COLEC10: variants seen among roughly 807,000 people sequenced by gnomAD.
COLEC10 encodes the protein collectin-10.
Under a neutral mutation model 28.4 loss-of-function variants are expected in COLEC10, and 22 were observed. The ratio of observed to expected loss-of-function variants is 0.78; its 90% confidence interval spans 0.55 to 1.11. COLEC10 has a LOEUF of 1.11. Ranked by LOEUF, COLEC10 falls within the 50% of genes least tolerant of loss-of-function variation. COLEC10 has a pLI of 0.00. For missense variants in COLEC10, 361 were observed against 344.1 expected, an observed-to-expected ratio of 1.05 and a Z score of -0.39; for synonymous variants, 125 against 116.1, an observed-to-expected ratio of 1.08 and a Z score of -0.49.
At chr8:119,030,538 A>G (rs1191361427) in intron 2 of COLEC10, among the ~76,000 whole-genome samples, 1 of 152,008 alleles carries the variant, frequency 6.6e-6, no homozygotes, top group Admixed American at 6.6e-5. Context: ...CTTGCTCTGA[A>G]GTGTGAATCC....
upstream of COLEC10, among the ~76,000 whole-genome samples, chr8:118,990,544 T>A (rs1205703646): frequency 2.0e-5 from 3 of 152,158 alleles, no homozygotes; most frequent in Non-Finnish European, 4.4e-5. Context: ...AATTACAAAT[T>A]ATTTCTCTCC....
upstream of COLEC10, among the ~76,000 whole-genome samples, chr8:119,065,663 C>A (rs1324614860): frequency 6.6e-6 from 1 of 151,884 alleles, no homozygotes; most frequent in Non-Finnish European, 1.5e-5. Context: ...TGGAGACCAG[C>A]CTGGCCAACC....
the COLEC10 span, among the ~76,000 whole-genome samples, chr8:118,959,784 C>T: frequency 6.6e-6 from 1 of 152,316 alleles, no homozygotes; most frequent in African/African-American, 2.4e-5. Flanking sequence ...GTGTTCAGCC[C>T]CATGCCAGAC....
chr8:119,068,646 T>C (rs1372505396), intron 1 of COLEC10: 1 of 152,162 alleles, frequency 6.6e-6, no homozygotes, highest in Admixed American at 6.5e-5. Context: ...TTTTACCTAA[T>C]AGAAAACTTC....
intron 2 of COLEC10, among the ~76,000 whole-genome samples, chr8:119,047,117 TA>T (rs1814599774): frequency 6.6e-6 from 1 of 152,226 alleles, no homozygotes; most frequent in Non-Finnish European, 1.5e-5. Context: ...TTTTGGAATA[TA>T]AACCAACAGA....
chr8:119,063,764 G>A (rs773010972), upstream of COLEC10, among the ~76,000 whole-genome samples: 35 of 150,616 alleles, frequency 2.3e-4, no homozygotes, highest in Non-Finnish European at 5.9e-5. Context: ...GAGGAATAAC[G>A]AGGCAAATAT....
intron 2 of COLEC10, among the ~76,000 whole-genome samples, chr8:119,048,248 G>A (rs1814617477): frequency 6.6e-6 from 1 of 152,140 alleles, no homozygotes; most frequent in East Asian, 1.9e-4. Context: ...TGTGGATTTG[G>A]TTTTCTGTTC....
At position 119,105,907 on chromosome 8, in the gene COLEC10, G is replaced by T. The variant is rs1815929929; in HGVS notation, c.550G>T (p.Ala184Ser). 1 of 1,613,716 alleles carries T rather than the reference G, an allele frequency of 6.2e-7. No homozygotes were observed. Among genetic ancestry groups the T allele is most frequent in the Non-Finnish European group, 8.5e-7 (1 of 1,179,896 alleles). Residue 184 changes from alanine (A) to serine (S), a missense_variant, in exon 6 of 6, where the codon GCC becomes TCC. Ala to Ser is a moderately conservative substitution (Grantham distance 99). Around this residue, in one of 3 missense-constraint regions of COLEC10, gnomAD observed 335 missense variants for 308.5 expected, o/e 1.09. Transcript: ENST00000332843. ...THCRIRGGML[A>S]MPKDEAANTL... ...CTGCAGGATTCGGGGTGGAATGCTAGCCATGCCCAAGGATGAAGCTGCCAA... is the reference window on the plus strand; with the variant it reads ...CTGCAGGATTCGGGGTGGAATGCTATCCATGCCCAAGGATGAAGCTGCCAA...
the COLEC10 span, among the ~76,000 whole-genome samples, chr8:118,976,921 C>T: frequency 5.9e-3 from 896 of 151,376 alleles, 14 homozygotes; most frequent in African/African-American, 0.021. Context: ...CAAACAACCC[C>T]ATCAAAAAGT....
At chr8:119,033,711 A>G (rs1814335443) in intron 2 of COLEC10, among the ~76,000 whole-genome samples, 1 of 152,226 alleles carries the variant, frequency 6.6e-6, no homozygotes, top group Non-Finnish European at 1.5e-5. Context: ...TGCCAGTTAG[A>G]ATGGTGATCA....
At chr8:119,032,199 A>T (rs1411666139) in intron 2 of COLEC10, among the ~76,000 whole-genome samples, 3 of 152,216 alleles carry the variant, frequency 2.0e-5, no homozygotes, top group African/African-American at 7.2e-5. Context: ...GTGAGTCAAT[A>T]GTCACATCAC....
At chr8:119,080,325 G>T (rs1815344314) in intron 1 of COLEC10, among the ~76,000 whole-genome samples, 1 of 152,180 alleles carries the variant, frequency 6.6e-6, no homozygotes. Flanking sequence ...AAACAAGTAA[G>T]AAAATTGTGA....
chr8:118,974,661 A>G, the COLEC10 span, among the ~76,000 whole-genome samples: 8 of 152,048 alleles, frequency 5.3e-5, no homozygotes, highest in Non-Finnish European at 1.2e-4. Flanking sequence ...ATAAAGTGGC[A>G]TTTCTCCTTA....
chr8:118,994,369 G>A (rs1813556648), upstream of COLEC10, among the ~76,000 whole-genome samples: 1 of 152,142 alleles, frequency 6.6e-6, no homozygotes, highest in Non-Finnish European at 1.5e-5. Context: ...ACCTGAAAGA[G>A]CCAATTTACA....
intron 1 of COLEC10, among the ~76,000 whole-genome samples, chr8:119,075,995 G>T (rs181841277): frequency 6.8e-6 from 1 of 147,290 alleles, no homozygotes; most frequent in Non-Finnish European, 1.5e-5. Context: ...CCGCCTCCTG[G>T]GTTCATGCCA....
intron 1 of COLEC10, among the ~76,000 whole-genome samples, chr8:119,069,602 TCTC>T: frequency 1.4e-4 from 1 of 6,948 alleles, no homozygotes; most frequent in Non-Finnish European, 4.0e-4. Flanking sequence ...TGAGACCCCA[TCTC>T]AAAAAAAAAA....
chr8:119,043,178 A>G (rs899316893), intron 2 of COLEC10, among the ~76,000 whole-genome samples: 1 of 152,238 alleles, frequency 6.6e-6, no homozygotes, highest in Non-Finnish European at 1.5e-5. Context: ...TCTAGGATTT[A>G]TGATGAATTC....
At chr8:118,983,228 T>A in the COLEC10 span, among the ~76,000 whole-genome samples, 1 of 152,152 alleles carries the variant, frequency 6.6e-6, no homozygotes, top group Non-Finnish European at 1.5e-5. Context: ...TTCAATCCAC[T>A]CTTGTGTCTA....
intron 1 of COLEC10, among the ~76,000 whole-genome samples, chr8:118,999,763 T>C (rs1813656960): frequency 1.3e-5 from 2 of 152,150 alleles, no homozygotes; most frequent in Non-Finnish European, 2.9e-5. Flanking sequence ...TAGGACAAAA[T>C]ATTGACCATT....
Sources: allele counts gnomAD v4.1 joint callset (sites outside exome capture counted in the v4.1 genomes callset), GRCh38; gene constraint gnomAD v4.1.1; regional missense constraint gnomAD v4.1.1; transcripts MANE v1.5; gene names NCBI Gene and HGNC (gene_info 2026-07-23, HGNC 2026-07-21).